The following SCD5 variants were observed in gnomAD, a reference collection of about 807,000 sequenced individuals.
SCD5 encodes the protein stearoyl-CoA desaturase 5.
Under a neutral mutation model 30.4 loss-of-function variants are expected in SCD5, and 20 were observed. That is an observed-to-expected ratio of 0.66 (90% CI 0.46 to 0.96). The LOEUF is 0.96. Ranked by LOEUF, SCD5 falls within the 40% of genes least tolerant of loss-of-function variation. The probability of loss-of-function intolerance (pLI) is 0.00; values close to 1 mark genes in which losing one functional copy is unlikely to be tolerated. For synonymous variants in SCD5, 173 were observed against 176.4 expected (o/e 0.98, Z 0.16); for missense variants, 381 against 443.3 (o/e 0.86, Z 1.26).
At chr4:82,702,130 C>A (rs917630685) in intron 2 of SCD5, among the ~76,000 whole-genome samples, 7 of 64,116 alleles carry the variant, frequency 1.1e-4, no homozygotes, top group African/African-American at 3.9e-4. Flanking sequence ...CCATCATCAT[C>A]TTTTTTTTTT....
At chr4:82,669,862 G>A (rs1351837957) in intron 3 of SCD5, among the ~76,000 whole-genome samples, 1 of 152,082 alleles carries the variant, frequency 6.6e-6, no homozygotes, top group Non-Finnish European at 1.5e-5. Flanking sequence ...AACCAACCTG[G>A]GGGAGGGAAA....
At chr4:82,654,821 T>C (rs1362406962) in intron 3 of SCD5, among the ~76,000 whole-genome samples, 3 of 152,196 alleles carry the variant, frequency 2.0e-5, no homozygotes, top group African/African-American at 7.2e-5. Flanking sequence ...CTGTCTGTGA[T>C]AAAAATTCAG....
chr4:82,744,743 G>C (rs1720947957), intron 1 of SCD5, among the ~76,000 whole-genome samples: 1 of 151,934 alleles, frequency 6.6e-6, no homozygotes, highest in South Asian at 2.1e-4. Context: ...AAGAATTTAG[G>C]TATCACTTGC....
At position 82,669,917 on chromosome 4, in the gene SCD5, G is replaced by A. The variant is rs572312294; in HGVS notation, c.569+10790C>T. ...TCTAGCCATCTTGTTCCACCTAAATGAGGAGAGAAGAAACTAAGAAACACT... is the reference window on the plus strand; with the variant it reads ...TCTAGCCATCTTGTTCCACCTAAATAAGGAGAGAAGAAACTAAGAAACACT... On this transcript the variant is annotated intron_variant, in intron 3 of 4. Coordinates refer to ENST00000319540, the MANE Select transcript of SCD5 (RefSeq NM_001037582.3). Among the ~76,000 whole-genome samples the A allele has an allele frequency of 3.8e-4, 58 of 152,158 alleles. 3 individuals are homozygous for A. In the South Asian group the frequency reaches 0.012, roughly 31 times the overall value.
intron 1 of SCD5, among the ~76,000 whole-genome samples, chr4:82,758,840 C>A (rs1560555207): frequency 6.6e-6 from 1 of 152,198 alleles, no homozygotes; most frequent in Admixed American, 6.5e-5. Flanking sequence ...CAGCACACGA[C>A]ACAAAGGGTC....
chr4:82,737,829 A>G (rs768320721), intron 1 of SCD5, among the ~76,000 whole-genome samples: 6 of 152,152 alleles, frequency 3.9e-5, no homozygotes, highest in Non-Finnish European at 8.8e-5. Context: ...TCAAGTTGCT[A>G]TCAATGGCAC....
intron 1 of SCD5, among the ~76,000 whole-genome samples, chr4:82,788,954 T>A (rs943613174): frequency 1.3e-5 from 2 of 152,184 alleles, no homozygotes; most frequent in Non-Finnish European, 2.9e-5. Flanking sequence ...ATCTCAAGAT[T>A]TTTTATCAGT....
intron 1 of SCD5, among the ~76,000 whole-genome samples, chr4:82,709,323 A>C (rs968855418): frequency 1.3e-5 from 2 of 152,166 alleles, no homozygotes; most frequent in African/African-American, 2.4e-5. Flanking sequence ...AGTTTATGAG[A>C]CTTTATGAGA....
chr4:82,679,306 A>G (rs949543774), intron 3 of SCD5, among the ~76,000 whole-genome samples: 17 of 151,776 alleles, frequency 1.1e-4, no homozygotes, highest in African/African-American at 4.1e-4. Flanking sequence ...GAAAGAAAAC[A>G]TCTTGTTATT....
intron 1 of SCD5, among the ~76,000 whole-genome samples, chr4:82,770,674 A>T (rs1721600012): frequency 6.6e-6 from 1 of 152,244 alleles, no homozygotes; most frequent in Admixed American, 6.5e-5. Flanking sequence ...AGGGCTCTGC[A>T]CATGTCCCCT....
chr4:82,724,391 A>G (rs1221131298), intron 1 of SCD5, among the ~76,000 whole-genome samples: 2 of 152,136 alleles, frequency 1.3e-5, no homozygotes, highest in Admixed American at 6.5e-5. Context: ...CTGAGGCAGG[A>G]GGATTGCTGG....
At chr4:82,777,622 T>C (rs1161073987) in intron 1 of SCD5, among the ~76,000 whole-genome samples, 1 of 152,202 alleles carries the variant, frequency 6.6e-6, no homozygotes, top group Non-Finnish European at 1.5e-5. Context: ...AAATTCTTAA[T>C]AATCATTGAA....
chr4:82,790,320 T>A (rs559093986), intron 1 of SCD5, among the ~76,000 whole-genome samples: 1 of 152,188 alleles, frequency 6.6e-6, no homozygotes, highest in Non-Finnish European at 1.5e-5. Flanking sequence ...ACAAACCAGA[T>A]GAGGTCTGCT....
chr4:82,730,455 C>A (rs893426935), intron 1 of SCD5, among the ~76,000 whole-genome samples: 2 of 150,802 alleles, frequency 1.3e-5, no homozygotes, highest in Non-Finnish European at 3.0e-5. Context: ...TGCCACTATG[C>A]CTGGCTAATT....
At chr4:82,784,317 C>T (rs1398854782) in intron 1 of SCD5, among the ~76,000 whole-genome samples, 2 of 152,132 alleles carry the variant, frequency 1.3e-5, no homozygotes, top group African/African-American at 4.8e-5. Context: ...CAGGCTAGCC[C>T]GAGAACCTAG....
intron 1 of SCD5, among the ~76,000 whole-genome samples, chr4:82,727,894 G>C (rs999232855): frequency 1.3e-5 from 2 of 152,112 alleles, no homozygotes; most frequent in Admixed American, 1.3e-4. Context: ...TATTAGTAGA[G>C]ACGGGGTTTC....
intron 1 of SCD5, among the ~76,000 whole-genome samples, chr4:82,716,844 C>G (rs1334393899): frequency 6.6e-6 from 1 of 151,852 alleles, no homozygotes; most frequent in African/African-American, 2.4e-5. Flanking sequence ...AAAGAAAATA[C>G]TTGAGGAAGC....
intron 1 of SCD5, among the ~76,000 whole-genome samples, chr4:82,737,448 A>G (rs1422728621): frequency 6.6e-6 from 1 of 152,144 alleles, no homozygotes; most frequent in Non-Finnish European, 1.5e-5. Context: ...AGTCACTTTG[A>G]CTAAAGAAAG....
chr4:82,759,992 C>T (rs1390116283), intron 1 of SCD5, among the ~76,000 whole-genome samples: 1 of 152,106 alleles, frequency 6.6e-6, no homozygotes, highest in African/African-American at 2.4e-5. Flanking sequence ...CTATGGTGCC[C>T]ATCCATTCTA....
Sources: gnomAD v4.1 joint callset for allele counts (sites outside exome capture counted in the v4.1 genomes callset) on GRCh38, gnomAD v4.1.1 for gene constraint, MANE v1.5 for transcripts, NCBI Gene and HGNC (gene_info 2026-07-23, HGNC 2026-07-21) for gene names.